The following CPNE4 variants were observed in gnomAD, a reference collection of about 807,000 sequenced individuals.
The protein encoded by CPNE4 is copine-4.
In CPNE4, 25 loss-of-function variants were observed where a neutral mutation model predicts 67.9. The ratio of observed to expected loss-of-function variants is 0.37; its 90% CI spans 0.27 to 0.51. CPNE4 has a LOEUF of 0.51. Ranked by LOEUF, CPNE4 falls within the 20% of genes least tolerant of loss-of-function variation. The pLI, the probability that CPNE4 is intolerant of heterozygous loss-of-function variation, is 0.93. For synonymous variants in CPNE4, 242 were observed against 244.9 expected (o/e 0.99, Z 0.11); for missense variants, 464 against 690.8 (o/e 0.67, Z 3.68).
intron 2 of CPNE4, among the ~76,000 whole-genome samples, chr3:131,799,925 G>GT (rs879569865): frequency 0.23 from 15,449 of 66,820 alleles, 790 homozygotes; most frequent in Non-Finnish European, 0.24. Flanking sequence ...TGTGTTGTGT[G>GT]TGTGTGTGTG....
At chr3:131,546,716 A>G (rs1935859976) in intron 14 of CPNE4, among the ~76,000 whole-genome samples, 1 of 152,170 alleles carries the variant, frequency 6.6e-6, no homozygotes, top group African/African-American at 2.4e-5. Flanking sequence ...TCAGCCTGAA[A>G]TCCAGACCTT....
chr3:131,981,831 T>G (rs1266478948), intron 1 of CPNE4, among the ~76,000 whole-genome samples: 1 of 152,294 alleles, frequency 6.6e-6, no homozygotes, highest in South Asian at 2.1e-4. Context: ...AGTCGGAAAC[T>G]TCTCCCACAA....
chr3:132,018,373 C>G (rs2073929153), intron 1 of CPNE4, among the ~76,000 whole-genome samples: 4 of 152,150 alleles, frequency 2.6e-5, no homozygotes, highest in African/African-American at 9.7e-5. Flanking sequence ...TATTTTAAAA[C>G]TACTATCCTG....
At chr3:131,891,119 C>T (rs1381312097) in intron 2 of CPNE4, among the ~76,000 whole-genome samples, 2 of 151,812 alleles carry the variant, frequency 1.3e-5, no homozygotes, top group East Asian at 1.9e-4. Flanking sequence ...AAACAAAAAC[C>T]CAAAGAGACA....
chr3:131,836,132 G>A (rs534029332), intron 2 of CPNE4, among the ~76,000 whole-genome samples: 7 of 152,196 alleles, frequency 4.6e-5, no homozygotes, highest in South Asian at 4.2e-4. Context: ...CACAAGTGGC[G>A]CAGATCAGAA....
chr3:131,542,912 TGAC>T (rs1201603717), intron 14 of CPNE4, 119 bp from the exon 15 acceptor site: 1 of 676,100 alleles, frequency 1.5e-6, no homozygotes. Flanking sequence ...GCAACAGTGA[TGAC>T]AGACATTTTT....
At chr3:131,921,691 G>A (rs374253085) in intron 1 of CPNE4, among the ~76,000 whole-genome samples, 3 of 152,162 alleles carry the variant, frequency 2.0e-5, no homozygotes, top group South Asian at 2.1e-4. Flanking sequence ...GCACTGTTGT[G>A]AGGATTCAGT....
Position 131,987,275 on chromosome 3 carries a change from A to G in CPNE4, c.-2+47292T>C, listed in dbSNP as rs560654203. ...GAGTATTGACTGAAAAGAAGAAGGA[A>G]AACCTCTTTGGTGCTGGAAATGTTC... On this transcript the variant is annotated intron_variant, in intron 1 of 15. Transcript: ENST00000429747. Among the ~76,000 whole-genome samples, 4 of 152,340 alleles carry G rather than the reference A, an allele frequency of 2.6e-5. No individual in the cohort carries two copies. In the South Asian group the frequency reaches 8.3e-4, roughly 32 times the overall value.
intron 2 of CPNE4, among the ~76,000 whole-genome samples, chr3:131,784,024 C>T (rs1157847917): frequency 2.0e-5 from 3 of 152,096 alleles, no homozygotes; most frequent in Admixed American, 1.3e-4. Flanking sequence ...AAATTTTGCT[C>T]AGCAAATATA....
Position 131,921,231 on chromosome 3 carries a change from C to CGTT in CPNE4, c.-1-15790_-1-15788dup, listed in dbSNP as rs560233703. 5.0e-3 allele frequency among the ~76,000 whole-genome samples: 754 copies of CGTT among 152,304 alleles called. 8 individuals are homozygous for CGTT. Among genetic ancestry groups the CGTT allele is most frequent in the African/African-American group, 0.017 (703 of 41,554 alleles). ...CCAACTGGATTAGAACACCAGAGTA[C>CGTT]GTTCTTTAACTCTCAGGTCTCTCAG... On this transcript the variant is annotated intron_variant, in intron 1 of 15. Transcript: ENST00000429747.
chr3:131,641,574 A>T (rs576427748), intron 7 of CPNE4, among the ~76,000 whole-genome samples: 76 of 152,234 alleles, frequency 5.0e-4, no homozygotes, highest in Non-Finnish European at 9.3e-4. Flanking sequence ...GGGAATGTAA[A>T]CTAGTACAAT....
At chr3:131,924,919 C>A (rs2070852744) in intron 1 of CPNE4, among the ~76,000 whole-genome samples, 1 of 152,110 alleles carries the variant, frequency 6.6e-6, no homozygotes, top group Non-Finnish European at 1.5e-5. Context: ...TTTGGTTTTT[C>A]CAAATGGTAC....
intron 2 of CPNE4, among the ~76,000 whole-genome samples, chr3:131,788,793 G>A (rs1046487471): frequency 5.9e-5 from 9 of 151,810 alleles, no homozygotes; most frequent in Non-Finnish European, 1.0e-4. Flanking sequence ...AGGCTATAAC[G>A]TTAAGTGGAA....
At chr3:131,730,109 T>C (rs1165768108) in intron 2 of CPNE4, among the ~76,000 whole-genome samples, 1 of 152,220 alleles carries the variant, frequency 6.6e-6, no homozygotes, top group Non-Finnish European at 1.5e-5. Flanking sequence ...ATATTTGAAA[T>C]TGGAGTGCAT....
At chr3:131,879,956 A>G (rs2087606812) in intron 2 of CPNE4, among the ~76,000 whole-genome samples, 1 of 152,032 alleles carries the variant, frequency 6.6e-6, no homozygotes, top group South Asian at 2.1e-4. Context: ...TTCCCAATGT[A>G]AAGTTGAATA....
At chr3:131,764,348 G>A (rs1349826973) in intron 2 of CPNE4, among the ~76,000 whole-genome samples, 1 of 151,644 alleles carries the variant, frequency 6.6e-6, no homozygotes, top group East Asian at 1.9e-4. Context: ...ACTAATAACA[G>A]TAGTTATTTT....
chr3:131,960,836 C>T (rs140460466), intron 1 of CPNE4, among the ~76,000 whole-genome samples: 7 of 152,242 alleles, frequency 4.6e-5, no homozygotes, highest in African/African-American at 1.4e-4. Flanking sequence ...CCCTTAAAAC[C>T]CCAGTCCAGA....
chr3:131,764,087 C>G lies in CPNE4; in HGVS notation c.181-40462G>C, dbSNP rs911145236. 4.6e-5 allele frequency among the ~76,000 whole-genome samples: 7 copies of G among 152,172 alleles called. No homozygotes were observed. In the South Asian group the frequency reaches 1.0e-3, roughly 23 times the overall value. On this transcript the variant is annotated intron_variant, in intron 2 of 15. Coordinates refer to ENST00000429747, the MANE Select transcript of CPNE4 (RefSeq NM_130808.3). ...TAATAACTTGCCCAAAGTCCCATGG[C>G]TGCTAAATGTCTGACCAGGCATTTG...
chr3:131,536,758 T>C (rs1369536208), intron 15 of CPNE4, among the ~76,000 whole-genome samples: 1 of 152,248 alleles, frequency 6.6e-6, no homozygotes, highest in Non-Finnish European at 1.5e-5. Context: ...TCTACAGATA[T>C]CCCTTTATTT....
Sources: gnomAD v4.1 joint callset for allele counts (sites outside exome capture counted in the v4.1 genomes callset) on GRCh38, gnomAD v4.1.1 for gene constraint, MANE v1.5 for transcripts, NCBI Gene and HGNC (gene_info 2026-07-23, HGNC 2026-07-21) for gene names.